The following FOXJ3 variants were observed in gnomAD, a reference collection of about 807,000 sequenced individuals.
FOXJ3 encodes the protein forkhead box protein J3.
In FOXJ3, 22 loss-of-function variants were observed where a neutral mutation model predicts 76.1. The ratio of observed to expected loss-of-function variants is 0.29; its 90% CI spans 0.21 to 0.41. The LOEUF (loss-of-function observed/expected upper bound fraction) is 0.41, where lower values mean the gene tolerates loss of function less well. FOXJ3 is among the 10% of genes least tolerant of loss of function. The pLI is 1.00. For synonymous variants in FOXJ3, 269 were observed against 261.2 expected (o/e 1.03, Z -0.29); for missense variants, 613 against 762.1 (o/e 0.80, Z 2.30).
intron 6 of FOXJ3, among the ~76,000 whole-genome samples, chr1:42,203,469 C>T (rs1646800897): frequency 6.6e-6 from 1 of 152,152 alleles, no homozygotes; most frequent in South Asian, 2.1e-4. Flanking sequence ...ACTGTTGAGG[C>T]TGATCTATTT....
chr1:42,227,911 G>A lies in FOXJ3; in HGVS notation c.500C>T (p.Pro167Leu). 6.3e-7 allele frequency: 1 copy of A among 1,578,178 alleles called. No homozygotes were observed. Among genetic ancestry groups the A allele is most frequent in the Non-Finnish European group, 8.7e-7 (1 of 1,154,818 alleles). The change falls in exon 5 of 13, where the codon CCA becomes CTA. Residue 167 changes from proline to leucine, a missense_variant. By Grantham distance (98) the Pro-to-Leu change is moderately conservative. This residue lies in a region of FOXJ3 where 526 missense variants were observed against 601.4 expected (regional missense o/e 0.87). Coordinates refer to ENST00000361346, the MANE Select transcript of FOXJ3 (RefSeq NM_014947.5). ...NPKEDVLPTRPKKRARSVERA... is the reference protein window; with the variant it reads ...NPKEDVLPTRLKKRARSVERA... Reference sequence around the variant, plus strand: ...TTCTACAGATCGTGCCCTCTTCTTTGGCCGAGTAGGCAGCACATCTTCCTT... The same window carrying A: ...TTCTACAGATCGTGCCCTCTTCTTTAGCCGAGTAGGCAGCACATCTTCCTT...
chr1:42,275,618 T>C (rs1382168003), intron 3 of FOXJ3, among the ~76,000 whole-genome samples: 2 of 152,098 alleles, frequency 1.3e-5, no homozygotes, highest in African/African-American at 4.8e-5. Context: ...GCTAGGATCA[T>C]ACCACTGAAC....
chr1:42,272,361 G>C (rs759775204), intron 3 of FOXJ3, among the ~76,000 whole-genome samples: 1 of 152,134 alleles, frequency 6.6e-6, no homozygotes, highest in Non-Finnish European at 1.5e-5. Flanking sequence ...CAAGGCCTGC[G>C]CAAAGGAGAA....
chr1:42,192,763 GAA>G (rs11331928), intron 8 of FOXJ3, among the ~76,000 whole-genome samples: 2 of 137,992 alleles, frequency 1.4e-5, no homozygotes, highest in African/African-American at 5.3e-5. Flanking sequence ...TTTATTGAAT[GAA>G]AAAAAAAAAC....
chr1:42,217,262 G>C (rs1457261231), intron 5 of FOXJ3, among the ~76,000 whole-genome samples: 1 of 152,200 alleles, frequency 6.6e-6, no homozygotes, highest in Non-Finnish European at 1.5e-5. Context: ...TGGGTGCAGT[G>C]GCTCACTCCT....
In FOXJ3 at chr1:42,179,486, C is replaced by T. The variant is rs12094695; in HGVS notation, c.*224G>A. On this transcript the variant is annotated 3_prime_UTR_variant, in exon 13 of 13. Transcript: ENST00000361346. ...GTCCAAATCACACAACAGTTAGGAG[C>T]TACATAGGGCAGCTGGCAGGGAGAC... is the stretch of plus-strand genomic sequence containing the variant. The T allele has an allele frequency of 2.0e-5, 7 of 341,910 alleles. No homozygotes were observed. In the East Asian group the frequency reaches 2.6e-4, roughly 13 times the overall value. 21.2% of individuals were successfully genotyped at this position (341,910 alleles called of 1,614,324 possible).
chr1:42,202,895 A>G (rs1303027072), intron 6 of FOXJ3, among the ~76,000 whole-genome samples: 1 of 152,186 alleles, frequency 6.6e-6, no homozygotes, highest in Non-Finnish European at 1.5e-5. Context: ...TGCATATTCT[A>G]TGAGTTACAG....
At chr1:42,329,068 T>C (rs1380509880) in intron 1 of FOXJ3, among the ~76,000 whole-genome samples, 2 of 152,206 alleles carry the variant, frequency 1.3e-5, no homozygotes, top group Non-Finnish European at 2.9e-5. Flanking sequence ...CACAGAATAA[T>C]AGCCACTTTG....
At chr1:42,201,936 A>G (rs990098821) in intron 6 of FOXJ3, among the ~76,000 whole-genome samples, 1 of 152,074 alleles carries the variant, frequency 6.6e-6, no homozygotes, top group Non-Finnish European at 1.5e-5. Flanking sequence ...GCCAGTTTTG[A>G]TAAGTCATTT....
chr1:42,186,248 A>G (rs1646433064), intron 11 of FOXJ3, among the ~76,000 whole-genome samples: 1 of 152,126 alleles, frequency 6.6e-6, no homozygotes, highest in Non-Finnish European at 1.5e-5. Context: ...CGTAAAAAAA[A>G]TCTGAATATT....
chr1:42,255,191 T>C (rs343400), intron 4 of FOXJ3, among the ~76,000 whole-genome samples: 101,574 of 152,020 alleles, frequency 0.67, 35,626 homozygotes, highest in Admixed American at 0.79. Flanking sequence ...GGAATGTAGA[T>C]AAACGAAATT....
chr1:42,251,594 G>C (rs562951265), intron 4 of FOXJ3, among the ~76,000 whole-genome samples: 1 of 151,898 alleles, frequency 6.6e-6, no homozygotes, highest in African/African-American at 2.4e-5. Flanking sequence ...TTATATGCTG[G>C]ATTACATTTA....
At chr1:42,324,289 C>CATATATTAT in intron 1 of FOXJ3, among the ~76,000 whole-genome samples, 2 of 141,740 alleles carry the variant, frequency 1.4e-5, no homozygotes, top group South Asian at 4.4e-4. Context: ...ATATTATACA[C>CATATATTAT]ATATATTATA....
intron 2 of FOXJ3, among the ~76,000 whole-genome samples, chr1:42,288,685 A>G (rs1653219855): frequency 6.6e-6 from 1 of 152,204 alleles, no homozygotes; most frequent in Non-Finnish European, 1.5e-5. Context: ...TTCATAAAAC[A>G]TTATTTGCCT....
At chr1:42,280,122 A>G (rs1284420113) in intron 2 of FOXJ3, among the ~76,000 whole-genome samples, 1 of 152,160 alleles carries the variant, frequency 6.6e-6, no homozygotes, top group Non-Finnish European at 1.5e-5. Flanking sequence ...TCAAAATATT[A>G]CTTTGAAAAT....
At chr1:42,256,793 A>G (rs1402728850) in intron 4 of FOXJ3, among the ~76,000 whole-genome samples, 1 of 152,246 alleles carries the variant, frequency 6.6e-6, no homozygotes, top group East Asian at 1.9e-4. Flanking sequence ...TTCTTTATTA[A>G]TAGCGTAAAA....
At chr1:42,182,395 C>A (rs1415692101) in intron 11 of FOXJ3, among the ~76,000 whole-genome samples, 1 of 152,218 alleles carries the variant, frequency 6.6e-6, no homozygotes, top group East Asian at 1.9e-4. Context: ...GATTGTTACA[C>A]CCATTTTACA....
intron 7 of FOXJ3, among the ~76,000 whole-genome samples, chr1:42,198,438 G>T (rs1646695542): frequency 6.6e-6 from 1 of 152,176 alleles, no homozygotes; most frequent in African/African-American, 2.4e-5. Flanking sequence ...GACCTGGTAA[G>T]ATCAAATTTA....
intron 4 of FOXJ3, among the ~76,000 whole-genome samples, chr1:42,252,008 C>T (rs1486262217): frequency 3.9e-5 from 6 of 152,036 alleles, no homozygotes; most frequent in Non-Finnish European, 7.4e-5. Context: ...TGAGCCACCG[C>T]GCCCGGCCGG....
Sources: allele counts gnomAD v4.1 joint callset (sites outside exome capture counted in the v4.1 genomes callset), GRCh38; gene constraint gnomAD v4.1.1; regional missense constraint gnomAD v4.1.1; transcripts MANE v1.5; gene names NCBI Gene and HGNC (gene_info 2026-07-23, HGNC 2026-07-21).